Variants in WLS observed in about 807,000 individuals in gnomAD.
WLS encodes protein wntless homolog.
In WLS, 23 loss-of-function variants were observed where a neutral mutation model predicts 62.8. The ratio of observed to expected loss-of-function variants is 0.37; its 90% CI spans 0.26 to 0.52. The LOEUF is 0.52. WLS is among the 20% of genes least tolerant of loss of function. The pLI, the probability that WLS is intolerant of heterozygous loss-of-function variation, is 0.92. For missense variants in WLS, 615 were observed against 697.3 expected (o/e 0.88, Z 1.33); for synonymous variants, 246 against 244.1 (o/e 1.01, Z -0.07).
intron 1 of WLS, among the ~76,000 whole-genome samples, chr1:68,218,694 G>A (rs564984223): frequency 1.2e-4 from 19 of 152,178 alleles, no homozygotes; most frequent in South Asian, 4.2e-4. Context: ...ACAGGCCTCC[G>A]TTCCTCTTTG....
At chr1:68,134,774 G>C (rs1390769392) in intron 11 of WLS, among the ~76,000 whole-genome samples, 3 of 152,232 alleles carry the variant, frequency 2.0e-5, no homozygotes, top group African/African-American at 7.2e-5. Context: ...AGATCAAGCT[G>C]TCTTTGATGA....
chr1:68,123,539 C>T (rs1232484511), downstream of WLS, among the ~76,000 whole-genome samples: 1 of 151,580 alleles, frequency 6.6e-6, no homozygotes, highest in Non-Finnish European at 1.5e-5. Context: ...ATTGTTAGCT[C>T]ATTTCCTCAA....
Position 68,150,447 on chromosome 1 carries a change from A to G in WLS, c.804-91T>C, listed in dbSNP as rs1646811128. 3 of 1,526,640 alleles carry G rather than the reference A, an allele frequency of 2.0e-6. No homozygotes were observed. The Admixed American group carries it at 5.3e-5, about 27-fold the overall frequency. 94.6% of individuals were successfully genotyped at this position (1,526,640 alleles called of 1,614,324 possible). A position where few individuals can be genotyped will look rare whatever the true frequency, so the allele number is the denominator to read the frequency against. ...CCCGAATTCAGTTTTGAGACATGAG[A>G]TGTTACTTATTGGGTCTGAAGCCAT... On this transcript the variant is annotated intron_variant, in intron 5 of 11. Transcript: ENST00000262348.
chr1:68,159,157 G>C lies in WLS; in HGVS notation c.470C>G (p.Pro157Arg). 6.2e-7 allele frequency: 1 copy of C among 1,614,098 alleles called. No individual in the cohort carries two copies. The highest frequency in any genetic ancestry group is 8.5e-7 in the Non-Finnish European group (1 of 1,180,012). Residue 157 changes from proline to arginine, a missense_variant, in exon 3 of 12, where the codon CCA becomes CGA. Transcript: ENST00000262348. ...EWTEMAHERV[P>R]RKLKCTFTSP... Reference sequence around the variant, plus strand: ...TGTGAAGGTGCATTTGAGTTTCCGTGGTACTCTTTCATGGGCCATTTCAGT... The same window carrying C: ...TGTGAAGGTGCATTTGAGTTTCCGTCGTACTCTTTCATGGGCCATTTCAGT...
chr1:68,225,491 G>A (rs899660519), intron 1 of WLS, among the ~76,000 whole-genome samples: 3 of 152,070 alleles, frequency 2.0e-5, no homozygotes, highest in Non-Finnish European at 4.4e-5. Context: ...TGATCATTTC[G>A]TGTCTTGATG....
intron 11 of WLS, among the ~76,000 whole-genome samples, chr1:68,103,695 G>GGGT (rs1310370902): frequency 6.6e-6 from 1 of 152,170 alleles, no homozygotes; most frequent in African/African-American, 2.4e-5. Flanking sequence ...GAAGAGGCCA[G>GGGT]GGTGGTCTAA....
intron 2 of WLS, chr1:68,162,591 C>G (rs1305396923): frequency 2.1e-6 from 3 of 1,441,722 alleles, no homozygotes; most frequent in Admixed American, 1.7e-5. Flanking sequence ...ACTCGCGGTT[C>G]TGCTCCATGC....
At chr1:68,187,759 T>C (rs1473994748) in intron 2 of WLS, among the ~76,000 whole-genome samples, 1 of 152,022 alleles carries the variant, frequency 6.6e-6, no homozygotes, top group Admixed American at 6.6e-5. Flanking sequence ...TTATAATGAA[T>C]ACAAAACATC....
At chr1:68,223,008 C>T (rs1650003974) in intron 1 of WLS, among the ~76,000 whole-genome samples, 1 of 152,120 alleles carries the variant, frequency 6.6e-6, no homozygotes, top group Non-Finnish European at 1.5e-5. Flanking sequence ...CATTCTTATT[C>T]TGAATAGAGA....
chr1:68,179,902 AAG>A (rs2100564026), intron 2 of WLS, among the ~76,000 whole-genome samples: 1 of 152,204 alleles, frequency 6.6e-6, no homozygotes, highest in East Asian at 1.9e-4. Context: ...AATTTCTTAT[AAG>A]AGAGAATTTG....
At chr1:68,135,875 C>T (rs569244136) in intron 11 of WLS, among the ~76,000 whole-genome samples, 19 of 152,220 alleles carry the variant, frequency 1.2e-4, no homozygotes, top group Non-Finnish European at 2.2e-4. Flanking sequence ...GTAAAAACAC[C>T]GAGTGGTGTT....
chr1:68,148,593 A>G lies in WLS; in HGVS notation c.1040T>C (p.Phe347Ser), dbSNP rs1459962353. 6.2e-7 allele frequency: 1 copy of G among 1,614,120 alleles called. No homozygotes were observed. Among genetic ancestry groups the G allele is most frequent in the Admixed American group, 1.7e-5 (1 of 60,024 alleles). ...ACACATGTCAAATATGAAGAGGCAG[A>G]AGGAGCCAACGGCAATGGGTCCGAC... ...KQVGPIAVGS[F>S]CLFIFDMCER... Residue 347 changes from phenylalanine to serine, a missense_variant, in exon 7 of 12, where the codon TTC becomes TCC. Physicochemically the swap from Phe to Ser is radical, Grantham distance 155 (BLOSUM62 -2). Coordinates refer to ENST00000262348, the MANE Select transcript of WLS (RefSeq NM_024911.7).
chr1:68,148,465 C>G, intron 7 of WLS, 98 bp downstream of exon 7: 1 of 1,322,060 alleles, frequency 7.6e-7, no homozygotes, highest in Non-Finnish European at 1.1e-6. Context: ...CCAAAGGTTC[C>G]CGACCACCAT....
chr1:68,103,355 T>C (rs1281858834), intron 11 of WLS, among the ~76,000 whole-genome samples: 2 of 152,226 alleles, frequency 1.3e-5, no homozygotes, highest in Non-Finnish European at 2.9e-5. Flanking sequence ...CAATCACAGG[T>C]TGGCTCCCCT....
intron 8 of WLS, among the ~76,000 whole-genome samples, chr1:68,147,807 T>C (rs534908140): frequency 1.2e-4 from 18 of 152,316 alleles, no homozygotes; most frequent in Admixed American, 3.3e-4. Flanking sequence ...TGAACCTCCA[T>C]GGCTCCAGGG....
At chr1:68,165,909 A>T (rs1481160477) in intron 2 of WLS, among the ~76,000 whole-genome samples, 1 of 152,202 alleles carries the variant, frequency 6.6e-6, no homozygotes, top group Non-Finnish European at 1.5e-5. Flanking sequence ...CTGTTTCCCC[A>T]AGCCAGACAA....
chr1:68,194,929 T>C (rs1648578979), intron 1 of WLS, among the ~76,000 whole-genome samples: 1 of 152,224 alleles, frequency 6.6e-6, no homozygotes, highest in Non-Finnish European at 1.5e-5. Context: ...TTTGTGATTA[T>C]ATAATGGTTA....
intron 2 of WLS, among the ~76,000 whole-genome samples, chr1:68,165,846 T>C (rs1336691678): frequency 6.6e-6 from 1 of 152,228 alleles, no homozygotes; most frequent in African/African-American, 2.4e-5. Context: ...TTTGCTGGCC[T>C]GATTTATCAC....
intron 11 of WLS, among the ~76,000 whole-genome samples, chr1:68,111,774 T>A (rs1288128707): frequency 6.6e-6 from 1 of 152,144 alleles, no homozygotes; most frequent in African/African-American, 2.4e-5. Context: ...AACTTTAGGA[T>A]CTTTAGGGCT....
Sources: allele counts gnomAD v4.1 joint callset (sites outside exome capture counted in the v4.1 genomes callset), GRCh38; gene constraint gnomAD v4.1.1; transcripts MANE v1.5; gene names NCBI Gene and HGNC (gene_info 2026-07-23, HGNC 2026-07-21).